Variants in HSPA12A observed in about 807,000 individuals in gnomAD.
HSPA12A encodes heat shock 70 kDa protein 12A.
HSPA12A carries 28 observed loss-of-function variants against 69.2 expected under a neutral mutation model. The ratio of observed to expected loss-of-function variants is 0.40; its 90% CI spans 0.30 to 0.55. The LOEUF is 0.55. Ranked by LOEUF, HSPA12A falls within the 20% of genes least tolerant of loss-of-function variation. HSPA12A has a pLI of 0.38. For synonymous variants in HSPA12A, 345 were observed against 370.5 expected, an observed-to-expected ratio of 0.93 and a Z score of 0.79; for missense variants, 686 against 900.7, an observed-to-expected ratio of 0.76 and a Z score of 3.05.
chr10:116,775,548 C>G (rs1050422806), intron 2 of HSPA12A, among the ~76,000 whole-genome samples: 11 of 152,162 alleles, frequency 7.2e-5, no homozygotes, highest in African/African-American at 2.7e-4. Context: ...CTGACAGCCT[C>G]GTGATACTGA....
At chr10:116,813,850 C>T (rs1845246326) in intron 2 of HSPA12A, among the ~76,000 whole-genome samples, 1 of 152,020 alleles carries the variant, frequency 6.6e-6, no homozygotes, top group Admixed American at 6.5e-5. Flanking sequence ...CACCACTGCA[C>T]TCCAGCCTGG....
intron 1 of HSPA12A, among the ~76,000 whole-genome samples, chr10:116,716,171 C>T (rs1417135727): frequency 1.3e-5 from 2 of 151,854 alleles, no homozygotes; most frequent in Non-Finnish European, 2.9e-5. Context: ...GGGTATCCTC[C>T]ATCCCCTGCT....
chr10:116,812,283 T>C (rs546170274), intron 2 of HSPA12A, among the ~76,000 whole-genome samples: 2 of 151,932 alleles, frequency 1.3e-5, no homozygotes, highest in South Asian at 4.2e-4. Flanking sequence ...TAAAACCCCA[T>C]CTGTATTAAA....
chr10:116,803,186 T>C (rs1392851286), intron 2 of HSPA12A, among the ~76,000 whole-genome samples: 1 of 152,242 alleles, frequency 6.6e-6, no homozygotes, highest in Non-Finnish European at 1.5e-5. Context: ...GGGTATGCTG[T>C]GTGCAAAACA....
At chr10:116,769,657 T>C (rs1844154956) in intron 2 of HSPA12A, among the ~76,000 whole-genome samples, 1 of 152,156 alleles carries the variant, frequency 6.6e-6, no homozygotes, top group Non-Finnish European at 1.5e-5. Flanking sequence ...ACTTCATGGC[T>C]CAGAAACATG....
intron 2 of HSPA12A, chr10:116,750,578 A>G: frequency 3.0e-6 from 1 of 333,794 alleles, no homozygotes. Context: ...CTCTCAATAC[A>G]TAAAAAAACA....
intron 2 of HSPA12A, among the ~76,000 whole-genome samples, chr10:116,762,022 G>A (rs1843983927): frequency 2.0e-5 from 3 of 152,224 alleles, no homozygotes; most frequent in South Asian, 2.1e-4. Flanking sequence ...TGGCCTGGAC[G>A]ACAGCCCAGT....
intron 2 of HSPA12A, among the ~76,000 whole-genome samples, chr10:116,822,706 T>C (rs948944109): frequency 2.6e-5 from 4 of 152,210 alleles, no homozygotes; most frequent in South Asian, 2.1e-4. Flanking sequence ...CAAAGTCCCA[T>C]TGGACATTTT....
intron 2 of HSPA12A, among the ~76,000 whole-genome samples, chr10:116,771,971 C>T (rs1377878384): frequency 6.6e-6 from 1 of 152,174 alleles, no homozygotes; most frequent in East Asian, 1.9e-4. Context: ...TGAACAGTCC[C>T]CACCGTATTT....
At chr10:116,770,812 G>A (rs1844187011) in intron 2 of HSPA12A, among the ~76,000 whole-genome samples, 1 of 152,172 alleles carries the variant, frequency 6.6e-6, no homozygotes, top group Admixed American at 6.5e-5. Flanking sequence ...TCAACTTTCT[G>A]TGAATTTGCT....
intron 3 of HSPA12A, among the ~76,000 whole-genome samples, chr10:116,703,827 T>C (rs3010490): frequency 0.017 from 2,659 of 152,160 alleles, 79 homozygotes; most frequent in African/African-American, 0.06. Flanking sequence ...CAGCACAGAG[T>C]GCATCCCAGG....
chr10:116,807,586 C>G (rs950485970), intron 2 of HSPA12A, among the ~76,000 whole-genome samples: 1 of 152,162 alleles, frequency 6.6e-6, no homozygotes, highest in Non-Finnish European at 1.5e-5. Flanking sequence ...CAAGTCTACT[C>G]CTTCAGGCCA....
intron 2 of HSPA12A, among the ~76,000 whole-genome samples, chr10:116,789,134 G>T (rs963641908): frequency 4.6e-5 from 7 of 152,100 alleles, no homozygotes; most frequent in African/African-American, 1.7e-4. Context: ...ACAAAGTGCT[G>T]GGATTACAGG....
chr10:116,836,616 T>A (rs147333967), intron 1 of HSPA12A, among the ~76,000 whole-genome samples: 1 of 152,194 alleles, frequency 6.6e-6, no homozygotes, highest in African/African-American at 2.4e-5. Context: ...AAGAATGAGG[T>A]TGCAGAAGAG....
intron 4 of HSPA12A, among the ~76,000 whole-genome samples, chr10:116,699,707 G>T (rs1346945758): frequency 6.6e-6 from 1 of 152,144 alleles, no homozygotes; most frequent in Non-Finnish European, 1.5e-5. Context: ...CAGCTCCCAG[G>T]CTCAGAAAGG....
At chr10:116,833,805 G>A (rs1845662300) in intron 2 of HSPA12A, among the ~76,000 whole-genome samples, 1 of 152,150 alleles carries the variant, frequency 6.6e-6, no homozygotes, top group East Asian at 1.9e-4. Context: ...GCTACACAGA[G>A]TTTTCTGGGT....
chr10:116,694,344 C>G (rs1554880466), intron 5 of HSPA12A, among the ~76,000 whole-genome samples: 1 of 152,170 alleles, frequency 6.6e-6, no homozygotes, highest in African/African-American at 2.4e-5. Context: ...CCAGCCAGCC[C>G]CTGGCAAGGT....
chr10:116,699,799 T>A (rs1048681953), intron 4 of HSPA12A, among the ~76,000 whole-genome samples: 8 of 152,228 alleles, frequency 5.3e-5, no homozygotes, highest in African/African-American at 1.4e-4. Flanking sequence ...ATACTCAGCA[T>A]TGAATCCCAT....
chr10:116,776,802 A>G (rs1193003815), intron 2 of HSPA12A, among the ~76,000 whole-genome samples: 2 of 152,248 alleles, frequency 1.3e-5, no homozygotes, highest in Non-Finnish European at 2.9e-5. Context: ...AATCATAAAC[A>G]CTATTTCAGA....
Sources: allele counts gnomAD v4.1 joint callset (sites outside exome capture counted in the v4.1 genomes callset), GRCh38; gene constraint gnomAD v4.1.1; transcripts MANE v1.5; gene names NCBI Gene and HGNC (gene_info 2026-07-23, HGNC 2026-07-21).